The following ADGRG6 variants were observed in gnomAD, a reference collection of about 807,000 sequenced individuals.
ADGRG6 encodes G-protein coupled receptor 126.
ADGRG6 carries 84 observed loss-of-function variants against 142.4 expected under a neutral mutation model. That is an observed-to-expected ratio of 0.59 (90% confidence interval 0.49 to 0.71). The LOEUF is 0.71. ADGRG6 is among the 30% of genes least tolerant of loss of function. The probability of loss-of-function intolerance (pLI) is 0.00; values close to 1 mark genes in which losing one functional copy is unlikely to be tolerated. For missense variants in ADGRG6, 1,367 were observed against 1,466.6 expected, an observed-to-expected ratio of 0.93 and a Z score of 1.11; for synonymous variants, 521 against 520.5, an observed-to-expected ratio of 1.00 and a Z score of -0.01.
chr6:142,315,270 A>G (rs1777984302), intron 2 of ADGRG6, among the ~76,000 whole-genome samples: 1 of 151,958 alleles, frequency 6.6e-6, no homozygotes, highest in South Asian at 2.1e-4. Context: ...ATTTTCAGCA[A>G]GTAGAATATG....
At chr6:142,402,318 A>C (rs948769621) in intron 12 of ADGRG6, among the ~76,000 whole-genome samples, 3 of 152,158 alleles carry the variant, frequency 2.0e-5, no homozygotes, top group African/African-American at 7.2e-5. Flanking sequence ...AATGTTTTGT[A>C]GTTTGCATTA....
At chr6:142,334,494 G>C (rs1438119026) in intron 2 of ADGRG6, among the ~76,000 whole-genome samples, 1 of 152,194 alleles carries the variant, frequency 6.6e-6, no homozygotes, top group African/African-American at 2.4e-5. Context: ...AGTTAGAGCT[G>C]GGAGTTATGA....
chr6:142,332,920 G>T (rs1235804654), intron 2 of ADGRG6, among the ~76,000 whole-genome samples: 1 of 152,152 alleles, frequency 6.6e-6, no homozygotes, highest in Non-Finnish European at 1.5e-5. Flanking sequence ...AAGTGCTAGT[G>T]TGCAGTTTAG....
chr6:142,445,269 C>G lies in ADGRG6; in HGVS notation c.*1754C>G, dbSNP rs548813734. 6.6e-6 allele frequency: 1 copy of G among 152,198 alleles called. No individual in the cohort carries two copies. Among genetic ancestry groups the G allele is most frequent in the South Asian group, 2.1e-4 (1 of 4,824 alleles). 9.4% of individuals were successfully genotyped at this position (152,198 alleles called of 1,614,324 possible). ...TAAAAAAGAATAGTAAATATAAGGTCACTGAGATTCTAAGTAAGATAGTAA... is the reference window on the plus strand; with the variant it reads ...TAAAAAAGAATAGTAAATATAAGGTGACTGAGATTCTAAGTAAGATAGTAA... On this transcript the variant is annotated 3_prime_UTR_variant, in exon 25 of 25. Coordinates refer to ENST00000367609, the MANE Select transcript of ADGRG6 (RefSeq NM_198569.3).
Position 142,337,094 on chromosome 6 carries a change from A to G in ADGRG6, c.103+27450A>G, listed in dbSNP as rs1311283285. On this transcript the variant is annotated intron_variant, in intron 2 of 24. Transcript: ENST00000367609. ...GGGCAGTTTTTTCTCTTTTGGAATA[A>G]ATTTCACAGGTACTCCATCTAATTT... Among the ~76,000 whole-genome samples, 5 of 152,154 alleles carry G rather than the reference A, an allele frequency of 3.3e-5. No homozygotes were observed. In the South Asian group the frequency reaches 8.3e-4, roughly 25 times the overall value.
intron 2 of ADGRG6, among the ~76,000 whole-genome samples, chr6:142,338,013 C>CTTTGTTTTTTTTTT (rs1779408535): frequency 2.3e-4 from 6 of 26,076 alleles, no homozygotes; most frequent in African/African-American, 9.0e-4. Flanking sequence ...TGCCTTGTAT[C>CTTTGTTTTTTTTTT]TTTGTTTTTT....
Position 142,302,156 on chromosome 6 carries a change from C to G in ADGRG6, c.-174C>G. On this transcript the variant is annotated 5_prime_UTR_variant, in exon 1 of 25. Transcript: ENST00000367609. ...GAACGCTGCCGCGCCCAGGGTTCAC[C>G]TTGCGCCGTCGGGAAAGCCCATGAA... is the stretch of plus-strand genomic sequence containing the variant. 1.5e-6 allele frequency: 1 copy of G among 658,994 alleles called. No homozygotes were observed. The highest frequency in any genetic ancestry group is 2.1e-5 in the South Asian group (1 of 46,786). 40.8% of individuals were successfully genotyped at this position (658,994 alleles called of 1,614,324 possible).
chr6:142,414,315 GC>G (rs1776245060), intron 18 of ADGRG6, among the ~76,000 whole-genome samples: 1 of 151,930 alleles, frequency 6.6e-6, no homozygotes, highest in South Asian at 2.1e-4. Context: ...CTCCACAACA[GC>G]CCCAAATAAT....
At position 142,370,108 on chromosome 6, in the gene ADGRG6, C is replaced by T; in HGVS notation, c.446-62C>T. 7.1e-6 allele frequency: 10 copies of T among 1,406,446 alleles called. No homozygotes were observed. In the South Asian group the frequency reaches 1.1e-4, roughly 16 times the overall value. 87.1% of individuals were successfully genotyped at this position (1,406,446 alleles called of 1,614,324 possible). On this transcript the variant is annotated intron_variant, in intron 3 of 24. Transcript: ENST00000367609. ...AAGCGATGGAGGGCTTGATGTTTTG[C>T]ATCACATTAGTCTGTGTTCTGAAGT... is the stretch of plus-strand genomic sequence containing the variant.
chr6:142,310,898 A>G (rs1158996895), intron 2 of ADGRG6, among the ~76,000 whole-genome samples: 1 of 151,922 alleles, frequency 6.6e-6, no homozygotes, highest in Admixed American at 6.6e-5. Flanking sequence ...CTAAGAATCA[A>G]TTACATGATA....
chr6:142,317,773 CATATATATTTATATATAATATATATATT>C (rs1554230456), intron 2 of ADGRG6, among the ~76,000 whole-genome samples: 5 of 80,316 alleles, frequency 6.2e-5, no homozygotes, highest in African/African-American at 1.1e-4. Flanking sequence ...ATATTTATAT[CATATATATTTATATATAATATATATATT>C]ATATATATTT....
intron 15 of ADGRG6, among the ~76,000 whole-genome samples, chr6:142,406,451 C>T (rs1269851410): frequency 6.6e-6 from 1 of 152,008 alleles, no homozygotes; most frequent in Non-Finnish European, 1.5e-5. Flanking sequence ...TTCGCTGGGC[C>T]CTTTTTAAAA....
chr6:142,379,094 A>G (rs139692941), intron 4 of ADGRG6, among the ~76,000 whole-genome samples: 2,127 of 152,262 alleles, frequency 0.014, 52 homozygotes, highest in African/African-American at 0.048. Context: ...GGTGTCACAC[A>G]GGCACCTCAG....
At chr6:142,388,481 G>A (rs1018498256) in intron 6 of ADGRG6, among the ~76,000 whole-genome samples, 5 of 152,052 alleles carry the variant, frequency 3.3e-5, no homozygotes, top group East Asian at 1.9e-4. Flanking sequence ...GGTAGGGTTT[G>A]CATTCCTATA....
intron 6 of ADGRG6, among the ~76,000 whole-genome samples, chr6:142,387,060 G>A (rs527769944): frequency 3.9e-5 from 6 of 152,322 alleles, no homozygotes; most frequent in African/African-American, 1.4e-4. Context: ...ATGAAATGAT[G>A]TTACTCAAGG....
intron 1 of ADGRG6, among the ~76,000 whole-genome samples, chr6:142,309,230 T>C (rs948846253): frequency 1.3e-5 from 2 of 151,922 alleles, no homozygotes; most frequent in African/African-American, 4.8e-5. Flanking sequence ...CTAACATTGC[T>C]TTATTTTTTA....
At chr6:142,421,331 C>G (rs1776643353) in intron 22 of ADGRG6, among the ~76,000 whole-genome samples, 1 of 152,124 alleles carries the variant, frequency 6.6e-6, no homozygotes, top group South Asian at 2.1e-4. Flanking sequence ...AAATTTTATT[C>G]AGGTTCATTG....
chr6:142,305,470 A>ACACACACACAC (rs1562296832), intron 1 of ADGRG6, among the ~76,000 whole-genome samples: 2 of 135,322 alleles, frequency 1.5e-5, no homozygotes, highest in African/African-American at 5.4e-5. Flanking sequence ...ACACACACAC[A>ACACACACACAC]ATTTTTTTCT....
chr6:142,431,645 C>G (rs533971091), intron 22 of ADGRG6, among the ~76,000 whole-genome samples: 3 of 152,108 alleles, frequency 2.0e-5, no homozygotes, highest in Non-Finnish European at 4.4e-5. Context: ...TAGAAAGAGG[C>G]CAGGTGCGGT....
Sources: gnomAD v4.1 joint callset for allele counts (sites outside exome capture counted in the v4.1 genomes callset) on GRCh38, gnomAD v4.1.1 for gene constraint, MANE v1.5 for transcripts, NCBI Gene and HGNC (gene_info 2026-07-23, HGNC 2026-07-21) for gene names.